The following PPP2R2C variants were observed in gnomAD, a reference collection of about 807,000 sequenced individuals.
The protein encoded by PPP2R2C is protein phosphatase 2, regulatory subunit B, gamma.
A neutral mutation model predicts 45.3 loss-of-function variants in PPP2R2C; 10 were observed. The ratio of observed to expected loss-of-function variants is 0.22; its 90% CI spans 0.14 to 0.37. The LOEUF is 0.37. Ranked by LOEUF, PPP2R2C falls within the 10% of genes least tolerant of loss-of-function variation. The pLI is 1.00. For synonymous variants in PPP2R2C, 257 were observed against 245.4 expected, an observed-to-expected ratio of 1.05 and a Z score of -0.44; for missense variants, 308 against 619.7, an observed-to-expected ratio of 0.50 and a Z score of 5.34.
At chr4:6,557,628 A>G (rs1332230307) in intron 1 of PPP2R2C, among the ~76,000 whole-genome samples, 1 of 152,122 alleles carries the variant, frequency 6.6e-6, no homozygotes, top group Admixed American at 6.5e-5. Flanking sequence ...GGTCGGGAAA[A>G]AGGCTGCTGT....
At chr4:6,561,938 C>A (rs1237581542) in intron 1 of PPP2R2C, among the ~76,000 whole-genome samples, 2 of 152,236 alleles carry the variant, frequency 1.3e-5, no homozygotes, top group Non-Finnish European at 2.9e-5. Context: ...CAATTCCACA[C>A]TGAGAAGCTG....
chr4:6,401,427 T>C (rs61217728), intron 1 of PPP2R2C, among the ~76,000 whole-genome samples: 1 of 152,102 alleles, frequency 6.6e-6, no homozygotes, highest in Admixed American at 6.6e-5. Context: ...GTTATGCACA[T>C]GGGCTACGAT....
chr4:6,398,040 C>T (rs1440565362), intron 1 of PPP2R2C, among the ~76,000 whole-genome samples: 1 of 152,172 alleles, frequency 6.6e-6, no homozygotes, highest in Admixed American at 6.5e-5. Flanking sequence ...CAGGTGATTC[C>T]ACGAGGAAAG....
At chr4:6,531,436 G>T (rs553248498) in intron 2 of PPP2R2C, among the ~76,000 whole-genome samples, 1 of 152,332 alleles carries the variant, frequency 6.6e-6, no homozygotes, top group South Asian at 2.1e-4. Flanking sequence ...GCGCGTCCAG[G>T]AGAGGGCAGC....
intron 5 of PPP2R2C, among the ~76,000 whole-genome samples, chr4:6,365,808 G>C (rs1368100785): frequency 6.6e-6 from 1 of 152,224 alleles, no homozygotes; most frequent in Non-Finnish European, 1.5e-5. Flanking sequence ...TGTGATGCCA[G>C]TTCCCACCGT....
chr4:6,462,029 C>T (rs993104095), intron 1 of PPP2R2C, among the ~76,000 whole-genome samples: 11 of 152,334 alleles, frequency 7.2e-5, no homozygotes, highest in Admixed American at 2.6e-4. Context: ...CACCCAGGCA[C>T]GGCCTGGCTG....
At chr4:6,445,419 T>C (rs1720368894) in intron 1 of PPP2R2C, among the ~76,000 whole-genome samples, 1 of 152,236 alleles carries the variant, frequency 6.6e-6, no homozygotes, top group Non-Finnish European at 1.5e-5. Flanking sequence ...AAGGATAAGA[T>C]GTCAAATGGA....
At chr4:6,522,490 A>G (rs1187129644) in intron 2 of PPP2R2C, among the ~76,000 whole-genome samples, 5 of 152,204 alleles carry the variant, frequency 3.3e-5, no homozygotes, top group African/African-American at 1.2e-4. Context: ...CTGCTTCCAG[A>G]GCTCCAAGAA....
intron 1 of PPP2R2C, among the ~76,000 whole-genome samples, chr4:6,544,402 G>T (rs1471718931): frequency 1.3e-5 from 2 of 152,124 alleles, no homozygotes; most frequent in Non-Finnish European, 2.9e-5. Flanking sequence ...GAGTGCAGTG[G>T]CATGATCACG....
chr4:6,403,532 GGAGCACGCTGGCAGAGGCTGTCTTTAAA>G (rs1415511702), intron 1 of PPP2R2C, among the ~76,000 whole-genome samples: 3 of 152,200 alleles, frequency 2.0e-5, no homozygotes, highest in Non-Finnish European at 4.4e-5. Context: ...GCCTCCCCTG[GGAGCACGCTGGCAGAGGCTGTCTTTAAA>G]GAGCTTGGAA....
chr4:6,464,888 C>CAG (rs1222492027), intron 1 of PPP2R2C, among the ~76,000 whole-genome samples: 1 of 117,702 alleles, frequency 8.5e-6, no homozygotes, highest in Non-Finnish European at 1.6e-5. Context: ...GGGGGAGAGA[C>CAG]AGAGAGAGAG....
chr4:6,344,769 C>T (rs1253915073), intron 6 of PPP2R2C, among the ~76,000 whole-genome samples: 1 of 152,138 alleles, frequency 6.6e-6, no homozygotes, highest in Non-Finnish European at 1.5e-5. Flanking sequence ...TGGTCATAGC[C>T]TTATTTTGTT....
intron 1 of PPP2R2C, among the ~76,000 whole-genome samples, chr4:6,437,989 C>T (rs973179969): frequency 6.6e-6 from 1 of 152,230 alleles, no homozygotes; most frequent in Non-Finnish European, 1.5e-5. Flanking sequence ...CGTGGGGCTG[C>T]TGGCTTACTT....
chr4:6,374,277 C>G (rs1381279471), intron 4 of PPP2R2C, among the ~76,000 whole-genome samples: 1 of 152,108 alleles, frequency 6.6e-6, no homozygotes, highest in Non-Finnish European at 1.5e-5. Context: ...CTCCAGGCGG[C>G]CTTGGGACCC....
At chr4:6,513,970 G>T (rs1470512944) in intron 2 of PPP2R2C, among the ~76,000 whole-genome samples, 1 of 152,204 alleles carries the variant, frequency 6.6e-6, no homozygotes, top group African/African-American at 2.4e-5. Context: ...CACTAATTCT[G>T]AGGCATGCTA....
intron 5 of PPP2R2C, chr4:6,350,579 C>G: frequency 1.0e-6 from 1 of 985,292 alleles, no homozygotes; most frequent in Non-Finnish European, 1.2e-6. Context: ...GGGGTTATAA[C>G]TCATGGGGCG....
chr4:6,500,028 G>A (rs2108793251), intron 2 of PPP2R2C, among the ~76,000 whole-genome samples: 1 of 152,320 alleles, frequency 6.6e-6, no homozygotes, highest in South Asian at 2.1e-4. Context: ...GCTTCAGGAG[G>A]AGGAAACTTC....
chr4:6,364,483 T>G lies in PPP2R2C; in HGVS notation c.625+8040A>C, dbSNP rs4689421. 0.9 allele frequency among the ~76,000 whole-genome samples: 134,830 copies of G among 150,342 alleles called. 60,842 individuals carry two copies. Among genetic ancestry groups the G allele is most frequent in the East Asian group, 1 (5,145 of 5,152 alleles). Reference sequence around the variant, plus strand: ...AGCAAGGAGTGACATGATCTTGTCGTTTTTTTTTTTCTCATGTTGTAGGAG... The same window carrying G: ...AGCAAGGAGTGACATGATCTTGTCGGTTTTTTTTTTCTCATGTTGTAGGAG... On this transcript the variant is annotated intron_variant, in intron 5 of 8. Coordinates refer to ENST00000382599, the MANE Select transcript of PPP2R2C (RefSeq NM_020416.4). The surrounding 1 kb of genome is among the most constrained non-coding windows in gnomAD (Gnocchi z 5.3).
chr4:6,380,874 C>A, intron 2 of PPP2R2C, 123 bp downstream of exon 2: 1 of 1,393,530 alleles, frequency 7.2e-7, no homozygotes, highest in South Asian at 1.5e-5. Flanking sequence ...AGTATAGTCC[C>A]CTCCCACCTC....
Sources: gnomAD v4.1 joint callset for allele counts (sites outside exome capture counted in the v4.1 genomes callset) on GRCh38, gnomAD v4.1.1 for gene constraint, Gnocchi (gnomAD v3.1) non-coding constraint, MANE v1.5 for transcripts, NCBI Gene and HGNC (gene_info 2026-07-23, HGNC 2026-07-21) for gene names.